Variants in AHR observed in about 807,000 individuals in gnomAD.
AHR encodes aryl hydrocarbon receptor, also known as AH-receptor.
In AHR, 40 loss-of-function variants were observed where a neutral mutation model predicts 86.8. The observed-to-expected ratio is 0.46, with a 90% CI of 0.36 to 0.60. The LOEUF is 0.60. Among genes scored for constraint, AHR ranks in the 20% least tolerant of loss-of-function variants. The pLI, the probability that AHR is intolerant of heterozygous loss-of-function variation, is 0.00. For synonymous variants in AHR, 398 were observed against 354.9 expected (o/e 1.12, Z -1.37); for missense variants, 1,001 against 1,011.6 (o/e 0.99, Z 0.14).
chr7:17,329,856 A>G, intron 4 of AHR, 96 bp from the exon 5 acceptor site: 5 of 1,110,074 alleles, frequency 4.5e-6, no homozygotes, highest in Non-Finnish European at 6.3e-6. Context: ...CATCACCACT[A>G]GCAAGCACCC....
intron 2 of AHR, among the ~76,000 whole-genome samples, chr7:17,318,302 C>CTAA (rs1241802368): frequency 8.6e-5 from 13 of 151,778 alleles, no homozygotes; most frequent in Non-Finnish European, 1.6e-4. Flanking sequence ...GCTTAGATGT[C>CTAA]TAAGGAAGGA....
At chr7:17,319,061 T>C (rs1696073589) in intron 2 of AHR, among the ~76,000 whole-genome samples, 1 of 152,136 alleles carries the variant, frequency 6.6e-6, no homozygotes, top group Admixed American at 6.6e-5. Flanking sequence ...AAGGGTCAGC[T>C]GTACTTTCAA....
chr7:17,329,844 T>C (rs866486668), intron 4 of AHR, 108 bp from the exon 5 acceptor site: 6 of 945,676 alleles, frequency 6.3e-6, no homozygotes, highest in South Asian at 5.6e-5. Context: ...TCAATTCGTA[T>C]TCATCACCAC....
chr7:17,319,385 C>CTAA (rs1228606594), intron 2 of AHR, among the ~76,000 whole-genome samples: 1 of 152,020 alleles, frequency 6.6e-6, no homozygotes, highest in Non-Finnish European at 1.5e-5. Context: ...TGGGCGGTGG[C>CTAA]TAATAATAGC....
At position 17,339,357 on chromosome 7, in the gene AHR, A is replaced by C. The variant is rs1158622502; in HGVS notation, c.1532A>C (p.His511Pro). The part of the protein sequence containing the change: ...APMGNDTILK[H>P]EQIDQPQDVN... The stretch of plus-strand genomic sequence containing the variant: ...ATGGGAAATGATACTATCCTGAAAC[A>C]TGAGCAAATTGACCAGCCTCAGGAT... Residue 511 changes from histidine (H) to proline (P), a missense_variant, in exon 10 of 11, where the codon CAT becomes CCT. By Grantham distance (77) the His-to-Pro change is moderately conservative (BLOSUM62 -2). Transcript: ENST00000242057. The C allele has an allele frequency of 4.3e-6, 7 of 1,614,114 alleles. No individual in the cohort carries two copies. The African/African-American group carries it at 9.3e-5, about 22-fold the overall frequency.
chr7:17,305,729 A>G lies in AHR; in HGVS notation c.66-4207A>G, dbSNP rs1781998957. ...TACTGAAACCATATCTTTGCATGTC[A>G]TTTTGAGGTTTTATAATGAATATTA... On this transcript the variant is annotated intron_variant, in intron 1 of 10. Coordinates refer to ENST00000242057, the MANE Select transcript of AHR (RefSeq NM_001621.5). Among the ~76,000 whole-genome samples, 4 of 151,204 alleles carry G rather than the reference A, an allele frequency of 2.6e-5. No individual in the cohort carries two copies. The Admixed American group carries it at 2.8e-4, about 11-fold the overall frequency.
At chr7:17,326,390 C>T (rs1231684651) in intron 3 of AHR, among the ~76,000 whole-genome samples, 1 of 152,128 alleles carries the variant, frequency 6.6e-6, no homozygotes, top group African/African-American at 2.4e-5. Context: ...TATATGTGAG[C>T]AGCATAAGCA....
rs868321413 is a variant in AHR, at chr7:17,315,151, C to G, written c.253+5028C>G. ...CTGCAGATTTAAACATGAATAAATA[C>G]AAAGAATAGTAGCGCATTCTTATTG... On this transcript the variant is annotated intron_variant, in intron 2 of 10. Coordinates refer to ENST00000242057, the MANE Select transcript of AHR (RefSeq NM_001621.5). 3.7e-4 allele frequency among the ~76,000 whole-genome samples: 56 copies of G among 151,960 alleles called. 1 individual carries two copies. The Middle Eastern group carries it at 0.024, about 65-fold the overall frequency.
intron 2 of AHR, among the ~76,000 whole-genome samples, chr7:17,313,614 A>G (rs978764213): frequency 9.8e-5 from 15 of 152,292 alleles, no homozygotes; most frequent in Non-Finnish European, 1.8e-4. Flanking sequence ...TTTAAGTACT[A>G]CATTAATATT....
chr7:17,330,145 A>G, intron 5 of AHR, 70 bp downstream of exon 5: 2 of 1,459,616 alleles, frequency 1.4e-6, no homozygotes, highest in Non-Finnish European at 1.9e-6. Flanking sequence ...GAGGCTGGGA[A>G]CCTGTAGGGT....
At chr7:17,327,735 T>C in intron 3 of AHR, 24 bp from the exon 4 acceptor site, 2 of 1,402,140 alleles carry the variant, frequency 1.4e-6, no homozygotes, top group Non-Finnish European at 2.0e-6. Flanking sequence ...ATATTACTAA[T>C]TTTAGAACTT....
At chr7:17,302,241 A>G (rs1048050956) in intron 1 of AHR, among the ~76,000 whole-genome samples, 7 of 152,038 alleles carry the variant, frequency 4.6e-5, no homozygotes, top group Non-Finnish European at 8.8e-5. Flanking sequence ...TACCAGCTGT[A>G]GTGGTGATTA....
intron 2 of AHR, among the ~76,000 whole-genome samples, chr7:17,321,773 A>G (rs1782176416): frequency 6.6e-6 from 1 of 152,040 alleles, no homozygotes. Flanking sequence ...ACCTAGGAGT[A>G]AATATAAAGA....
At chr7:17,332,263 A>G (rs1433991893) in intron 6 of AHR, among the ~76,000 whole-genome samples, 1 of 151,990 alleles carries the variant, frequency 6.6e-6, no homozygotes, top group Non-Finnish European at 1.5e-5. Flanking sequence ...TGTATTTACT[A>G]TTAATCATTA....
In AHR at chr7:17,298,798, C is replaced by G. The variant is rs1781917242; in HGVS notation, c.-467C>G. 2 of 398,222 alleles carry G rather than the reference C, an allele frequency of 5.0e-6. No individual in the cohort carries two copies. The highest frequency in any genetic ancestry group is 8.9e-6 in the Non-Finnish European group (2 of 225,832). The allele number at this position is 398,222 out of a possible 1,614,324, so 24.7% of individuals were successfully genotyped here. A position where few individuals can be genotyped will look rare whatever the true frequency, so the allele number is the denominator to read the frequency against. On this transcript the variant is annotated 5_prime_UTR_variant, in exon 1 of 11. Coordinates refer to ENST00000242057, the MANE Select transcript of AHR (RefSeq NM_001621.5). ...CCGAGCTCCGCAGGCGGGAAGCACC[C>G]TGGATTTAGGAAGTCCCGGGAGCAG...
rs749148157 is a variant in AHR, at chr7:17,339,534, T to C, written c.1709T>C (p.Val570Ala). 2 of 1,614,058 alleles carry C rather than the reference T, an allele frequency of 1.2e-6. No homozygotes were observed. The highest frequency in any genetic ancestry group is 1.7e-6 in the Non-Finnish European group (2 of 1,180,010). ...KFFRNDFSGE[V>A]DFRDIDLTDE... ...TTCAGAAATGATTTTTCTGGTGAGGTTGACTTCAGAGACATTGACTTAACG... is the reference window on the plus strand; with the variant it reads ...TTCAGAAATGATTTTTCTGGTGAGGCTGACTTCAGAGACATTGACTTAACG... Residue 570 changes from valine to alanine, a missense_variant, in exon 10 of 11, where the codon GTT becomes GCT. Coordinates refer to ENST00000242057, the MANE Select transcript of AHR (RefSeq NM_001621.5).
intron 1 of AHR, among the ~76,000 whole-genome samples, chr7:17,305,651 G>C (rs1781998073): frequency 6.6e-6 from 1 of 152,158 alleles, no homozygotes; most frequent in South Asian, 2.1e-4. Flanking sequence ...AGCAAACTCA[G>C]TACTGTGAGA....
chr7:17,300,288 A>C (rs576548798), intron 1 of AHR, among the ~76,000 whole-genome samples: 81 of 152,142 alleles, frequency 5.3e-4, no homozygotes, highest in Non-Finnish European at 1.0e-3. Flanking sequence ...CAATTTTTTT[A>C]TTTCTAGATC....
chr7:17,329,175 C>T (rs992109388), intron 4 of AHR, among the ~76,000 whole-genome samples: 1 of 151,848 alleles, frequency 6.6e-6, no homozygotes, highest in African/African-American at 2.4e-5. Flanking sequence ...AGTTATGACT[C>T]GCTCATGGGT....
Sources: allele counts gnomAD v4.1 joint callset (sites outside exome capture counted in the v4.1 genomes callset), GRCh38; gene constraint gnomAD v4.1.1; transcripts MANE v1.5; gene names NCBI Gene and HGNC (gene_info 2026-07-23, HGNC 2026-07-21).